The following SLC1A2 variants were observed in gnomAD, a reference collection of about 807,000 sequenced individuals.
SLC1A2 encodes the protein excitatory amino acid transporter 2.
SLC1A2 carries 15 observed loss-of-function variants against 48.8 expected under a neutral mutation model. The observed-to-expected ratio is 0.31, with a 90% CI of 0.21 to 0.47. The LOEUF is 0.47. SLC1A2 is among the 20% of genes least tolerant of loss of function. SLC1A2 has a pLI of 0.99. For synonymous variants in SLC1A2, 279 were observed against 272.6 expected (o/e 1.02, Z -0.23); for missense variants, 502 against 730.5 (o/e 0.69, Z 3.61).
chr11:35,311,982 A>C (rs1402386869), intron 4 of SLC1A2, among the ~76,000 whole-genome samples: 1 of 131,340 alleles, frequency 7.6e-6, no homozygotes, highest in African/African-American at 2.9e-5. Context: ...ATATTAAGTG[A>C]GCTGGAAAAA....
chr11:35,293,659 G>C (rs1361548859), intron 6 of SLC1A2, among the ~76,000 whole-genome samples: 1 of 152,162 alleles, frequency 6.6e-6, no homozygotes, highest in Non-Finnish European at 1.5e-5. Flanking sequence ...ACATACTTGA[G>C]AGAAAGACTA....
chr11:35,271,105 TA>T (rs1219444463), intron 9 of SLC1A2, among the ~76,000 whole-genome samples: 1 of 152,130 alleles, frequency 6.6e-6, no homozygotes, highest in Non-Finnish European at 1.5e-5. Context: ...TTATAGGGAA[TA>T]AAAAAGAGTC....
At chr11:35,326,028 C>T (rs999467241) in intron 1 of SLC1A2, among the ~76,000 whole-genome samples, 10 of 148,152 alleles carry the variant, frequency 6.7e-5, no homozygotes, top group African/African-American at 1.8e-4. Context: ...GTAGCAGAAA[C>T]GGGCAGCATC....
chr11:35,397,642 G>C lies in SLC1A2; in HGVS notation c.17+21308C>G, dbSNP rs189193062. On this transcript the variant is annotated intron_variant, in intron 1 of 10. Transcript: ENST00000278379. ...TGAAATCCTCACCCCCATGGTGATG[G>C]TATTTGGAGGTGAGTTTTTGGGAGG... Among the ~76,000 whole-genome samples, 294 of 152,298 alleles carry C rather than the reference G, an allele frequency of 1.9e-3. 7 individuals carry two copies. The highest frequency in any genetic ancestry group is 4.7e-4 in the Non-Finnish European group (32 of 68,006).
intron 1 of SLC1A2, among the ~76,000 whole-genome samples, chr11:35,321,663 G>T (rs1283885464): frequency 6.6e-6 from 1 of 152,074 alleles, no homozygotes; most frequent in Non-Finnish European, 1.5e-5. Flanking sequence ...AAGAGATATG[G>T]TTACCAGGAA....
intron 6 of SLC1A2, among the ~76,000 whole-genome samples, chr11:35,293,008 A>AG (rs71044516): frequency 2.6e-5 from 4 of 151,894 alleles, no homozygotes; most frequent in Non-Finnish European, 4.4e-5. Context: ...AGAGAGAGAG[A>AG]ACAAGGAAAT....
chr11:35,312,846 GT>G (rs1166979559), intron 3 of SLC1A2, among the ~76,000 whole-genome samples: 1 of 151,980 alleles, frequency 6.6e-6, no homozygotes, highest in Non-Finnish European at 1.5e-5. Flanking sequence ...ATCTGCACAT[GT>G]GGGACTCACA....
At chr11:35,402,194 T>TA (rs1855157961) in intron 1 of SLC1A2, among the ~76,000 whole-genome samples, 1 of 152,152 alleles carries the variant, frequency 6.6e-6, no homozygotes, top group African/African-American at 2.4e-5. Context: ...TGGGGGCCCC[T>TA]AGATAGCTTC....
At chr11:35,339,296 C>T (rs958735401) in intron 1 of SLC1A2, among the ~76,000 whole-genome samples, 4 of 152,170 alleles carry the variant, frequency 2.6e-5, no homozygotes, top group African/African-American at 9.7e-5. Flanking sequence ...CAGGGCCCTT[C>T]TGTGTCAAGG....
At chr11:35,388,235 G>A (rs1854645949) in intron 1 of SLC1A2, among the ~76,000 whole-genome samples, 1 of 152,204 alleles carries the variant, frequency 6.6e-6, no homozygotes, top group Non-Finnish European at 1.5e-5. Flanking sequence ...AAGACCCGAT[G>A]AGTCATAGAT....
At chr11:35,355,355 C>T (rs1853418704) in intron 1 of SLC1A2, among the ~76,000 whole-genome samples, 1 of 152,230 alleles carries the variant, frequency 6.6e-6, no homozygotes, top group South Asian at 2.1e-4. Context: ...CCTTCACACC[C>T]TCCTACTGCA....
chr11:35,260,737 A>G lies in SLC1A2; in HGVS notation c.*157T>C. 1 of 627,792 alleles carries G rather than the reference A, an allele frequency of 1.6e-6. No individual in the cohort carries two copies. The highest frequency in any genetic ancestry group is 2.8e-6 in the Non-Finnish European group (1 of 352,292). The allele number at this position is 627,792 out of a possible 1,614,324, so 38.9% of individuals were successfully genotyped here. A position where few individuals can be genotyped will look rare whatever the true frequency, so the allele number is the denominator to read the frequency against. On this transcript the variant is annotated 3_prime_UTR_variant, in exon 11 of 11. Transcript: ENST00000278379. ...AAGACACAGCACCGTGCCTGTCATCACTGACTCACAAGAGCTCCTCTAAGC... is the reference window on the plus strand; with the variant it reads ...AAGACACAGCACCGTGCCTGTCATCGCTGACTCACAAGAGCTCCTCTAAGC...
chr11:35,345,592 G>C (rs1211078058), intron 1 of SLC1A2, among the ~76,000 whole-genome samples: 2 of 152,206 alleles, frequency 1.3e-5, no homozygotes, highest in East Asian at 3.9e-4. Flanking sequence ...AAGACGGGGA[G>C]CTGAAGGTTA....
intron 1 of SLC1A2, among the ~76,000 whole-genome samples, chr11:35,332,678 A>G (rs569099681): frequency 7.2e-5 from 11 of 152,234 alleles, no homozygotes; most frequent in Admixed American, 1.3e-4. Context: ...TTTTTTTGCC[A>G]TGGACAATCA....
At chr11:35,268,762 G>A (rs974698845) in intron 9 of SLC1A2, among the ~76,000 whole-genome samples, 9 of 152,066 alleles carry the variant, frequency 5.9e-5, no homozygotes, top group East Asian at 1.9e-4. Flanking sequence ...AATATTATTC[G>A]TATTTACTAG....
intron 10 of SLC1A2, chr11:35,262,002 T>C: frequency 3.0e-6 from 1 of 338,380 alleles, no homozygotes; most frequent in Non-Finnish European, 5.3e-6. Context: ...CATGCAGTTA[T>C]TCTGATTAAA....
chr11:35,284,235 T>G (rs1199808132), intron 8 of SLC1A2, among the ~76,000 whole-genome samples: 1 of 151,906 alleles, frequency 6.6e-6, no homozygotes, highest in Non-Finnish European at 1.5e-5. Context: ...ACAAACAGCA[T>G]GATTCTGGCC....
chr11:35,292,981 GAGAGAGAC>G (rs1380888968), intron 6 of SLC1A2, among the ~76,000 whole-genome samples: 1 of 104,352 alleles, frequency 9.6e-6, no homozygotes, highest in Non-Finnish European at 2.4e-5. Flanking sequence ...ATTGAAATGA[GAGAGAGAC>G]AGAGAGAGAG....
At chr11:35,285,346 T>G (rs3763889) in intron 8 of SLC1A2, 121,275 of 152,176 alleles carry the variant, frequency 0.8, 49,164 homozygotes, top group African/African-American at 0.94. Flanking sequence ...GGACTGCTGG[T>G]CATGTTCAAA....
Sources: gnomAD v4.1 joint callset for allele counts (sites outside exome capture counted in the v4.1 genomes callset) on GRCh38, gnomAD v4.1.1 for gene constraint, MANE v1.5 for transcripts, NCBI Gene and HGNC (gene_info 2026-07-23, HGNC 2026-07-21) for gene names.